The following TBC1D14 variants were observed in gnomAD, a reference collection of about 807,000 sequenced individuals.
The protein encoded by TBC1D14 is TBC1 domain family, member 14.
Under a neutral mutation model 79.0 loss-of-function variants are expected in TBC1D14, and 26 were observed. The observed-to-expected ratio is 0.33, with a 90% CI of 0.24 to 0.46. The LOEUF (loss-of-function observed/expected upper bound fraction) is 0.46, where lower values mean the gene tolerates loss of function less well. Ranked by LOEUF, TBC1D14 falls within the 20% of genes least tolerant of loss-of-function variation. The pLI is 1.00. For missense variants in TBC1D14, 769 were observed against 887.6 expected, an observed-to-expected ratio of 0.87 and a Z score of 1.70; for synonymous variants, 394 against 349.9, an observed-to-expected ratio of 1.13 and a Z score of -1.40.
intron 2 of TBC1D14, among the ~76,000 whole-genome samples, chr4:6,933,532 C>G (rs1475212647): frequency 6.6e-6 from 1 of 151,850 alleles, no homozygotes; most frequent in Non-Finnish European, 1.5e-5. Context: ...TCTCGAACTC[C>G]TAGCCTCAAG....
chr4:6,992,747 G>A (rs1435335122), intron 3 of TBC1D14, among the ~76,000 whole-genome samples: 1 of 152,218 alleles, frequency 6.6e-6, no homozygotes, highest in East Asian at 1.9e-4. Context: ...GAAGCTTCAT[G>A]AGGGCTAGTG....
chr4:6,954,329 T>A, intron 2 of TBC1D14: 1 of 717,504 alleles, frequency 1.4e-6, no homozygotes, highest in Non-Finnish European at 2.6e-6. Context: ...GCGCTCCTGT[T>A]CATGGACAGG....
intron 1 of TBC1D14, among the ~76,000 whole-genome samples, chr4:6,911,238 GATCCCC>G (rs1420826766): frequency 2.6e-5 from 4 of 152,174 alleles, no homozygotes; most frequent in Non-Finnish European, 5.9e-5. Context: ...ATCCTAATGA[GATCCCC>G]AGTCCTAATG....
intron 1 of TBC1D14, 66 bp downstream of exon 1, chr4:6,910,017 C>T (rs1722839813): frequency 1.4e-5 from 2 of 147,388 alleles, no homozygotes; most frequent in Admixed American, 1.3e-4. Flanking sequence ...CGCGGGGCCG[C>T]CACCTGCTGC....
chr4:6,997,381 C>G (rs1719165546), intron 5 of TBC1D14: 1 of 152,248 alleles, frequency 6.6e-6, no homozygotes, highest in Admixed American at 6.5e-5. Flanking sequence ...AATCGCAGCA[C>G]TTTGGGAGGC....
intron 12 of TBC1D14, among the ~76,000 whole-genome samples, chr4:7,019,310 G>A (rs1324422580): frequency 6.6e-6 from 1 of 152,130 alleles, no homozygotes; most frequent in African/African-American, 2.4e-5. Context: ...GTGAGCAACC[G>A]CGCCCAGCTC....
chr4:6,998,283 C>T (rs961350044), intron 5 of TBC1D14, among the ~76,000 whole-genome samples: 35 of 151,750 alleles, frequency 2.3e-4, no homozygotes, highest in African/African-American at 8.5e-4. Flanking sequence ...TTGCTTGAAC[C>T]CGGGAGGCGG....
At chr4:7,012,336 G>A (rs1209595874) in intron 11 of TBC1D14, among the ~76,000 whole-genome samples, 5 of 151,732 alleles carry the variant, frequency 3.3e-5, no homozygotes, top group Admixed American at 2.0e-4. Flanking sequence ...TGGTAAATTT[G>A]GTAGCTATTA....
At chr4:6,964,759 C>T (rs557767303) in intron 2 of TBC1D14, among the ~76,000 whole-genome samples, 1 of 152,274 alleles carries the variant, frequency 6.6e-6, no homozygotes, top group East Asian at 1.9e-4. Context: ...ATAACCACAA[C>T]AGAAAAGGAA....
intron 2 of TBC1D14, among the ~76,000 whole-genome samples, chr4:6,935,312 A>G (rs1226778007): frequency 6.6e-6 from 1 of 152,106 alleles, no homozygotes; most frequent in African/African-American, 2.4e-5. Context: ...ACAACCTAGT[A>G]AGAGAATAAG....
chr4:6,951,675 A>T (rs1028286204), intron 2 of TBC1D14, among the ~76,000 whole-genome samples: 2 of 2,736 alleles, frequency 7.3e-4, no homozygotes, highest in Non-Finnish European at 0.037. Context: ...AATGATGCCA[A>T]TAAATAATTT....
intron 2 of TBC1D14, among the ~76,000 whole-genome samples, chr4:6,948,073 G>A (rs1713655424): frequency 6.6e-6 from 1 of 152,172 alleles, no homozygotes; most frequent in South Asian, 2.1e-4. Context: ...GGGCACATGA[G>A]CCCAGGAAGG....
At chr4:6,909,649 C>T (rs559530730), upstream of TBC1D14, 1 of 151,720 alleles carries the variant, frequency 6.6e-6, no homozygotes, top group Non-Finnish European at 1.5e-5. Context: ...GGGCGGCCCC[C>T]GGAAGAGGGA....
intron 7 of TBC1D14, 96 bp from the exon 8 acceptor site, chr4:7,004,748 A>T: frequency 8.9e-7 from 1 of 1,125,908 alleles, no homozygotes; most frequent in Non-Finnish European, 1.3e-6. Flanking sequence ...ATTATAGTTG[A>T]ACTTAAGTAT....
At chr4:6,994,730 G>A (rs1560322273) in intron 4 of TBC1D14, among the ~76,000 whole-genome samples, 2 of 151,908 alleles carry the variant, frequency 1.3e-5, no homozygotes, top group African/African-American at 4.8e-5. Flanking sequence ...GTGTGGTGAT[G>A]GGTGCCGTAA....
intron 12 of TBC1D14, among the ~76,000 whole-genome samples, chr4:7,015,124 G>A (rs1004978672): frequency 6.6e-6 from 1 of 152,100 alleles, no homozygotes; most frequent in African/African-American, 2.4e-5. Context: ...GCCAGGTCAC[G>A]GTGGCTCTTA....
Position 7,014,453 on chromosome 4 carries a change from G to A in TBC1D14, c.1653G>A (p.Leu551=). 1 of 1,610,536 alleles carries A rather than the reference G, an allele frequency of 6.2e-7. No homozygotes were observed. Among genetic ancestry groups the A allele is most frequent in the Non-Finnish European group, 8.5e-7 (1 of 1,177,090 alleles). Residue 551 remains leucine (L), a synonymous_variant, in exon 12 of 14, where the codon TTG becomes TTA. Coordinates refer to ENST00000409757, the MANE Select transcript of TBC1D14 (RefSeq NM_020773.3). The part of the protein sequence containing the change: ...AFFRVDHGLM[L]TYFAAFEVFF... Reference sequence around the variant, plus strand: ...ATTTCATATTATCTCCCTAGATGTTGACTTATTTTGCTGCATTTGAAGTAT... The same window carrying A: ...ATTTCATATTATCTCCCTAGATGTTAACTTATTTTGCTGCATTTGAAGTAT...
intron 1 of TBC1D14, among the ~76,000 whole-genome samples, chr4:6,919,069 G>A (rs1056792318): frequency 1.3e-5 from 2 of 152,124 alleles, no homozygotes; most frequent in East Asian, 1.9e-4. Flanking sequence ...GGCGATGTCC[G>A]GATTCTTTCA....
intron 1 of TBC1D14, among the ~76,000 whole-genome samples, chr4:6,918,558 C>T (rs529550493): frequency 1.1e-3 from 175 of 152,322 alleles, no homozygotes; most frequent in Non-Finnish European, 1.4e-3. Context: ...AGGGTATTGT[C>T]CCATCTTACT....
Sources: allele counts gnomAD v4.1 joint callset (sites outside exome capture counted in the v4.1 genomes callset), GRCh38; gene constraint gnomAD v4.1.1; transcripts MANE v1.5; gene names NCBI Gene and HGNC (gene_info 2026-07-23, HGNC 2026-07-21).